KCNMA1: variants seen among roughly 807,000 people sequenced by gnomAD.
KCNMA1 encodes the protein potassium calcium-activated channel subfamily M alpha 1, also known as Calcium-activated potassium channel subunit alpha-1.
Under a neutral mutation model 140.0 loss-of-function variants are expected in KCNMA1, and 29 were observed. The ratio of observed to expected loss-of-function variants is 0.21; its 90% CI spans 0.15 to 0.28. KCNMA1 has a LOEUF of 0.28. Among genes scored for constraint, KCNMA1 ranks in the 10% least tolerant of loss-of-function variants. KCNMA1 has a pLI of 1.00. For missense variants in KCNMA1, 880 were observed against 1,602.2 expected (o/e 0.55, Z 7.70); for synonymous variants, 612 against 611.9 (o/e 1.00, Z 0.00).
chr10:77,229,181 C>G (rs1275032156), intron 3 of KCNMA1, among the ~76,000 whole-genome samples: 2 of 151,824 alleles, frequency 1.3e-5, no homozygotes, highest in Non-Finnish European at 2.9e-5. Flanking sequence ...GGGTCATCCA[C>G]CTGGGAATCT....
chr10:76,881,620 G>A (rs1197527866), downstream of KCNMA1, among the ~76,000 whole-genome samples: 2 of 152,144 alleles, frequency 1.3e-5, no homozygotes, highest in Non-Finnish European at 2.9e-5. Flanking sequence ...TTGCTGAAGC[G>A]TTAGCTTTTA....
At chr10:77,136,623 T>C (rs1174436894) in intron 5 of KCNMA1, among the ~76,000 whole-genome samples, 1 of 147,978 alleles carries the variant, frequency 6.8e-6, no homozygotes, top group Non-Finnish European at 1.5e-5. Context: ...AAAGATGAAG[T>C]GCATGGTCCC....
intron 5 of KCNMA1, among the ~76,000 whole-genome samples, chr10:77,153,742 G>C (rs952948202): frequency 6.6e-6 from 1 of 152,038 alleles, no homozygotes; most frequent in Non-Finnish European, 1.5e-5. Flanking sequence ...TGGTTTTCAC[G>C]TGTGATTTGA....
intron 2 of KCNMA1, among the ~76,000 whole-genome samples, chr10:77,376,987 A>AC (rs1555258736): frequency 2.5e-4 from 38 of 152,190 alleles, no homozygotes; most frequent in South Asian, 1.2e-3. Flanking sequence ...ATACATACAT[A>AC]AAAATGAAAT....
chr10:77,184,584 G>T (rs528902046), intron 4 of KCNMA1, among the ~76,000 whole-genome samples: 3 of 152,284 alleles, frequency 2.0e-5, no homozygotes, highest in Non-Finnish European at 1.5e-5. Context: ...CAATCCACCG[G>T]TGGATACATC....
intron 3 of KCNMA1, among the ~76,000 whole-genome samples, chr10:77,213,137 T>C (rs935481853): frequency 6.6e-6 from 1 of 152,052 alleles, no homozygotes; most frequent in Non-Finnish European, 1.5e-5. Flanking sequence ...ATAATAACAG[T>C]TGAAATCCTA....
intron 5 of KCNMA1, among the ~76,000 whole-genome samples, chr10:77,142,767 G>C (rs768147178): frequency 6.6e-6 from 1 of 152,184 alleles, no homozygotes; most frequent in African/African-American, 2.4e-5. Flanking sequence ...CAAACACTAA[G>C]AGGATAATTT....
At position 76,944,960 on chromosome 10, in the gene KCNMA1, C is replaced by T. The variant is rs977509447; in HGVS notation, c.2715G>A (p.Thr905=). ...CCCTTAAATCAGCCCGACTTAATGGCGTACCCTTTGGCATAGAGGAAAGAA... is the reference window on the plus strand; with the variant it reads ...CCCTTAAATCAGCCCGACTTAATGGTGTACCCTTTGGCATAGAGGAAAGAA... ...NFPKVSILPG[T]PLSRADLRAV... Residue 905 remains threonine (T), a synonymous_variant, in exon 23 of 28, where the codon ACG becomes ACA. Coordinates refer to ENST00000286628, the MANE Select transcript of KCNMA1 (RefSeq NM_001161352.2). 8 of 1,612,316 alleles carry T rather than the reference C, an allele frequency of 5.0e-6. No homozygotes were observed. Among genetic ancestry groups the T allele is most frequent in the African/African-American group, 2.7e-5 (2 of 74,314 alleles).
chr10:76,882,287 C>T (rs1312560740), downstream of KCNMA1, among the ~76,000 whole-genome samples: 1 of 152,164 alleles, frequency 6.6e-6, no homozygotes, highest in Admixed American at 6.5e-5. Flanking sequence ...TGGCCCTCTT[C>T]TCACTACACC....
rs571685950 is a variant in KCNMA1 at position 76,887,853 on chromosome 10, G to A, written c.3462-338C>T. ...GCCCAACCGCAAGAGGTTTCATGAA[G>A]TGTGATGCAACTTTCATTTCATAAT... is the stretch of plus-strand genomic sequence containing the variant. On this transcript the variant is annotated intron_variant, in intron 27 of 27. Coordinates refer to ENST00000286628, the MANE Select transcript of KCNMA1 (RefSeq NM_001161352.2). 8.8e-6 allele frequency: 3 copies of A among 342,248 alleles called. No homozygotes were observed. In the South Asian group the frequency reaches 8.9e-5, roughly 10 times the overall value. 21.2% of individuals were successfully genotyped at this position (342,248 alleles called of 1,614,324 possible).
intron 2 of KCNMA1, among the ~76,000 whole-genome samples, chr10:77,257,924 T>C (rs1245807836): frequency 2.0e-5 from 3 of 152,158 alleles, no homozygotes; most frequent in Non-Finnish European, 4.4e-5. Flanking sequence ...AATTACACAG[T>C]ATTGGGTATG....
At chr10:77,201,132 A>T (rs1273058566) in intron 3 of KCNMA1, among the ~76,000 whole-genome samples, 1 of 152,170 alleles carries the variant, frequency 6.6e-6, no homozygotes, top group Non-Finnish European at 1.5e-5. Context: ...AGTTGACAAG[A>T]GGAAAGATGC....
chr10:77,501,650 C>G (rs577126716), intron 1 of KCNMA1, among the ~76,000 whole-genome samples: 1 of 152,204 alleles, frequency 6.6e-6, no homozygotes, highest in Non-Finnish European at 1.5e-5. Context: ...TGAGCAGAGG[C>G]TGACCCGATC....
intron 19 of KCNMA1, among the ~76,000 whole-genome samples, chr10:76,995,078 C>T (rs573239602): frequency 1.1e-4 from 16 of 152,094 alleles, no homozygotes; most frequent in Non-Finnish European, 2.2e-4. Flanking sequence ...ACAAATTAGC[C>T]ACAGACACGT....
At chr10:77,117,556 A>AG (rs1369214293) in intron 6 of KCNMA1, among the ~76,000 whole-genome samples, 3 of 150,438 alleles carry the variant, frequency 2.0e-5, no homozygotes, top group East Asian at 3.9e-4. Context: ...AAAAAAAAAA[A>AG]AAAAAAAAAG....
Position 77,079,566 on chromosome 10 carries a change from C to T in KCNMA1, c.1524-16G>A, listed in dbSNP as rs1416810133. On this transcript the variant is annotated splice_polypyrimidine_tract_variant and intron_variant, in intron 12 of 27. Coordinates refer to ENST00000286628, the MANE Select transcript of KCNMA1 (RefSeq NM_001161352.2). Reference sequence around the variant, plus strand: ...GGAGATTACTCTGAAAAAGAAAGAACCAATGCTGAGACAGGTCTGCCTTAT... The same window carrying T: ...GGAGATTACTCTGAAAAAGAAAGAATCAATGCTGAGACAGGTCTGCCTTAT... 3 of 1,562,250 alleles carry T rather than the reference C, an allele frequency of 1.9e-6. No homozygotes were observed. In the Admixed American group the frequency reaches 5.0e-5, roughly 26 times the overall value.
At chr10:77,604,822 C>A (rs1460214320) in intron 1 of KCNMA1, among the ~76,000 whole-genome samples, 1 of 152,158 alleles carries the variant, frequency 6.6e-6, no homozygotes, top group Non-Finnish European at 1.5e-5. Flanking sequence ...AGAAAAACAA[C>A]ACATCCGTCT....
chr10:77,215,145 T>TGCTACCACCA (rs1366089512), intron 3 of KCNMA1, among the ~76,000 whole-genome samples: 1 of 152,066 alleles, frequency 6.6e-6, no homozygotes, highest in African/African-American at 2.4e-5. Flanking sequence ...TCCCAGTAAA[T>TGCTACCACCA]GCTACCACCA....
At chr10:77,005,785 C>T (rs996885487) in intron 18 of KCNMA1, among the ~76,000 whole-genome samples, 10 of 152,208 alleles carry the variant, frequency 6.6e-5, no homozygotes, top group African/African-American at 2.4e-4. Context: ...ATCATAACTT[C>T]ATAGTACTAT....
Sources: gnomAD v4.1 joint callset for allele counts (sites outside exome capture counted in the v4.1 genomes callset) on GRCh38, gnomAD v4.1.1 for gene constraint, MANE v1.5 for transcripts, NCBI Gene and HGNC (gene_info 2026-07-23, HGNC 2026-07-21) for gene names.